Variants in INPP4A observed in about 807,000 individuals in gnomAD.
INPP4A encodes inositol polyphosphate-4-phosphatase type I A.
In INPP4A, 33 loss-of-function variants were observed where a neutral mutation model predicts 119.8. The observed-to-expected ratio is 0.28, with a 90% CI of 0.21 to 0.37. The LOEUF (loss-of-function observed/expected upper bound fraction) is 0.37, where lower values mean the gene tolerates loss of function less well. Among genes scored for constraint, INPP4A ranks in the 10% least tolerant of loss-of-function variants. The pLI is 1.00. For synonymous variants in INPP4A, 496 were observed against 500.7 expected, an observed-to-expected ratio of 0.99 and a Z score of 0.12; for missense variants, 956 against 1,289.9, an observed-to-expected ratio of 0.74 and a Z score of 3.97.
chr2:98,571,185 T>A (rs1697375992), intron 22 of INPP4A, among the ~76,000 whole-genome samples: 1 of 152,208 alleles, frequency 6.6e-6, no homozygotes, highest in African/African-American at 2.4e-5. Flanking sequence ...GGCCCCCTAC[T>A]ATCCACTTTA....
At chr2:98,493,583 G>C (rs1681300596) in intron 1 of INPP4A, among the ~76,000 whole-genome samples, 1 of 151,882 alleles carries the variant, frequency 6.6e-6, no homozygotes, top group African/African-American at 2.4e-5. Context: ...TTTTTGTAGA[G>C]ACAGGGTTTC....
chr2:98,477,792 G>A (rs889019657), intron 1 of INPP4A, among the ~76,000 whole-genome samples: 5 of 152,344 alleles, frequency 3.3e-5, no homozygotes, highest in East Asian at 1.9e-4. Flanking sequence ...AGGAGACAGC[G>A]GTTGGATGAG....
At chr2:98,455,517 G>T (rs1338283304) in intron 1 of INPP4A, among the ~76,000 whole-genome samples, 1 of 152,054 alleles carries the variant, frequency 6.6e-6, no homozygotes, top group African/African-American at 2.4e-5. Context: ...TCCCCAACTT[G>T]CCAGTGACTT....
At position 98,592,725 on chromosome 2, in the gene INPP4A, T is replaced by C. The variant is rs1221716719; in HGVS notation, c.*5117T>C. 6.6e-6 allele frequency: 1 copy of C among 152,456 alleles called. No homozygotes were observed. Among genetic ancestry groups the C allele is most frequent in the African/African-American group, 2.4e-5 (1 of 41,472 alleles). The allele number at this position is 152,456 out of a possible 1,614,324, so 9.4% of individuals were successfully genotyped here. A position where few individuals can be genotyped will look rare whatever the true frequency, so the allele number is the denominator to read the frequency against. ...TGTTTAGCAGGCTGTCTGCTCCCAA[T>C]AGTGGCCCTGGCTGCAACTGACCTC... On this transcript the variant is annotated 3_prime_UTR_variant, in exon 25 of 25. Coordinates refer to ENST00000409851, the MANE Select transcript of INPP4A (RefSeq NM_001134225.2).
intron 1 of INPP4A, among the ~76,000 whole-genome samples, chr2:98,454,278 C>G (rs145002506): frequency 6.6e-6 from 1 of 152,364 alleles, no homozygotes; most frequent in Non-Finnish European, 1.5e-5. Context: ...ACTGTCAGGA[C>G]AGTTCCCAAG....
At chr2:98,576,764 C>T (rs1698489366) in intron 23 of INPP4A, among the ~76,000 whole-genome samples, 1 of 152,172 alleles carries the variant, frequency 6.6e-6, no homozygotes, top group Non-Finnish European at 1.5e-5. Flanking sequence ...GGCCTACAGG[C>T]GGCAGGCCCC....
chr2:98,527,467 G>A (rs1010555493), intron 4 of INPP4A, among the ~76,000 whole-genome samples: 2 of 152,330 alleles, frequency 1.3e-5, no homozygotes, highest in East Asian at 3.9e-4. Context: ...CCTTAAAAGG[G>A]AAAGCTGGGG....
At position 98,535,736 on chromosome 2, in the gene INPP4A, A is replaced by G. The variant is rs765448829; in HGVS notation, c.278A>G (p.Asn93Ser). Residue 93 changes from asparagine (N) to serine (S), a missense_variant, in exon 6 of 25, where the codon AAC (asparagine) becomes AGC (serine). Asn to Ser is a conservative substitution (Grantham distance 46). Transcript: ENST00000409851. ...TTTCCTTTTCTGTTCTAGGGAACCA[A>G]CAATCCTATATTTCTAAGCAGTATT... ...HAQTEIIEGT[N>S]NPIFLSSIAF... is the part of the protein sequence containing the mutation. The G allele has an allele frequency of 2.7e-6, 4 of 1,500,266 alleles. No homozygotes were observed. Among genetic ancestry groups the G allele is most frequent in the Middle Eastern group, 1.7e-4 (1 of 5,872 alleles). The allele number at this position is 1,500,266 out of a possible 1,614,324, so 92.9% of individuals were successfully genotyped here.
At chr2:98,537,586 C>T (rs114203359) in intron 7 of INPP4A, among the ~76,000 whole-genome samples, 2,586 of 152,276 alleles carry the variant, frequency 0.017, 77 homozygotes, top group African/African-American at 0.059. Context: ...AGCATTGGCT[C>T]CTCCTCAGGG....
chr2:98,585,821 A>C (rs1699888326), intron 24 of INPP4A, among the ~76,000 whole-genome samples: 1 of 152,260 alleles, frequency 6.6e-6, no homozygotes, highest in Non-Finnish European at 1.5e-5. Context: ...CTCCTTTAAC[A>C]TGTAAATAAA....
chr2:98,577,250 T>C, intron 24 of INPP4A, 107 bp downstream of exon 24: 1 of 1,177,486 alleles, frequency 8.5e-7, no homozygotes, highest in Non-Finnish European at 1.2e-6. Flanking sequence ...CATGAGCCCC[T>C]TGACTCCAGC....
At chr2:98,484,709 G>A (rs528862471) in intron 1 of INPP4A, among the ~76,000 whole-genome samples, 2 of 152,238 alleles carry the variant, frequency 1.3e-5, no homozygotes, top group African/African-American at 4.8e-5. Context: ...ATTTTTATAC[G>A]TGTTCTTTTC....
rs1021846112 is a variant in INPP4A, at chr2:98,588,187, T to G, written c.*579T>G. Reference sequence around the variant, plus strand: ...CTGAAGAAGTTGAAAGAAAGATTGATAAATCAACGGGAGATAAGACTTTAT... The same window carrying G: ...CTGAAGAAGTTGAAAGAAAGATTGAGAAATCAACGGGAGATAAGACTTTAT... On this transcript the variant is annotated 3_prime_UTR_variant, in exon 25 of 25. Transcript: ENST00000409851. The G allele has an allele frequency of 1.9e-5, 4 of 206,696 alleles. No individual in the cohort carries two copies. In the East Asian group the frequency reaches 3.0e-4, roughly 15 times the overall value. 12.8% of individuals were successfully genotyped at this position (206,696 alleles called of 1,614,324 possible). A position where few individuals can be genotyped will look rare whatever the true frequency, so the allele number is the denominator to read the frequency against.
At chr2:98,475,413 T>C (rs1398824088) in intron 1 of INPP4A, among the ~76,000 whole-genome samples, 2 of 152,140 alleles carry the variant, frequency 1.3e-5, no homozygotes, top group African/African-American at 4.8e-5. Flanking sequence ...AGTTCTGAGG[T>C]CATCTTTCTT....
chr2:98,503,216 C>T (rs1683451221), intron 1 of INPP4A, among the ~76,000 whole-genome samples: 1 of 152,162 alleles, frequency 6.6e-6, no homozygotes, highest in East Asian at 1.9e-4. Flanking sequence ...AGAGATTTGT[C>T]TTCAAAAGCC....
At chr2:98,452,979 G>A (rs1472533293) in intron 1 of INPP4A, among the ~76,000 whole-genome samples, 1 of 152,186 alleles carries the variant, frequency 6.6e-6, no homozygotes, top group Admixed American at 6.5e-5. Context: ...GAAATATTTA[G>A]GGAATTGGCC....
At chr2:98,560,611 A>C (rs947085351) in intron 17 of INPP4A, among the ~76,000 whole-genome samples, 1 of 152,210 alleles carries the variant, frequency 6.6e-6, no homozygotes, top group African/African-American at 2.4e-5. Context: ...CCTCAAGGTT[A>C]CTGAGGCCTT....
At chr2:98,505,874 T>G (rs1218873885) in intron 1 of INPP4A, among the ~76,000 whole-genome samples, 1 of 152,258 alleles carries the variant, frequency 6.6e-6, no homozygotes, top group Non-Finnish European at 1.5e-5. Flanking sequence ...TTAGTTGATA[T>G]TGTTGGCTAG....
intron 4 of INPP4A, among the ~76,000 whole-genome samples, 169 bp from the exon 5 acceptor site, chr2:98,533,208 G>A (rs1238468516): frequency 3.9e-5 from 6 of 152,234 alleles, no homozygotes; most frequent in African/African-American, 1.4e-4. Flanking sequence ...CGTGAAAAGA[G>A]ATTGTTTCAA....
Sources: gnomAD v4.1 joint callset for allele counts (sites outside exome capture counted in the v4.1 genomes callset) on GRCh38, gnomAD v4.1.1 for gene constraint, MANE v1.5 for transcripts, NCBI Gene and HGNC (gene_info 2026-07-23, HGNC 2026-07-21) for gene names.